The following PDE8B variants were observed in gnomAD, a reference collection of about 807,000 sequenced individuals.
PDE8B encodes the protein phosphodiesterase 8B, also known as high affinity cAMP-specific and IBMX-insensitive 3',5'-cyclic phosphodiesterase 8B.
PDE8B carries 26 observed loss-of-function variants against 101.3 expected under a neutral mutation model. The ratio of observed to expected loss-of-function variants is 0.26; its 90% CI spans 0.19 to 0.36. The LOEUF (loss-of-function observed/expected upper bound fraction) is 0.36, where lower values mean the gene tolerates loss of function less well. Among genes scored for constraint, PDE8B ranks in the 10% least tolerant of loss-of-function variants. The probability of loss-of-function intolerance (pLI) is 1.00; values close to 1 mark genes in which losing one functional copy is unlikely to be tolerated. For missense variants in PDE8B, 810 were observed against 1,163.1 expected, an observed-to-expected ratio of 0.70 and a Z score of 4.42; for synonymous variants, 424 against 429.3, an observed-to-expected ratio of 0.99 and a Z score of 0.15.
At position 77,211,396 on chromosome 5, in the gene PDE8B, GT is replaced by G; in HGVS notation, c.339+135del. The G allele has an allele frequency of 1.2e-6, 1 of 808,286 alleles. No individual in the cohort carries two copies. Among genetic ancestry groups the G allele is most frequent in the Non-Finnish European group, 1.9e-6 (1 of 537,274 alleles). 50.1% of individuals were successfully genotyped at this position (808,286 alleles called of 1,614,324 possible). A position where few individuals can be genotyped will look rare whatever the true frequency, so the allele number is the denominator to read the frequency against. The stretch of plus-strand genomic sequence containing the variant: ...TTGGAGAGGTTGTCACTAAGGAGGA[GT>G]TTACTTTTCATTTGTGGAGATGATG... On this transcript the variant is annotated intron_variant, in intron 1 of 21. Transcript: ENST00000264917. This position sits in a 1 kb window ranked among gnomAD's most constrained non-coding sequence, Gnocchi z 4.1.
At chr5:77,248,566 G>T (rs904851263) in intron 1 of PDE8B, among the ~76,000 whole-genome samples, 2 of 152,204 alleles carry the variant, frequency 1.3e-5, no homozygotes, top group East Asian at 1.9e-4. Flanking sequence ...GAAAAAGTCC[G>T]TGTGTACCTA....
chr5:77,199,139 T>A, the PDE8B span, among the ~76,000 whole-genome samples: 2 of 152,156 alleles, frequency 1.3e-5, no homozygotes, highest in Non-Finnish European at 1.5e-5. Context: ...TTCTTAAAAG[T>A]GAGAATTACT....
intron 10 of PDE8B, among the ~76,000 whole-genome samples, chr5:77,369,173 A>C (rs965380021): frequency 2.2e-5 from 3 of 138,172 alleles, no homozygotes; most frequent in African/African-American, 5.7e-5. Flanking sequence ...ACTGCACTCC[A>C]GCCTATGCGA....
intron 9 of PDE8B, among the ~76,000 whole-genome samples, chr5:77,352,270 C>T (rs1004353633): frequency 1.3e-5 from 2 of 152,160 alleles, no homozygotes; most frequent in African/African-American, 2.4e-5. Flanking sequence ...AGATGATGCC[C>T]GTGACTGTCA....
At chr5:77,195,925 G>A in the PDE8B span, among the ~76,000 whole-genome samples, 6 of 152,156 alleles carry the variant, frequency 3.9e-5, no homozygotes, top group Admixed American at 6.5e-5. Flanking sequence ...GAAAATCTGC[G>A]TGTAAGTGGA....
chr5:77,275,232 G>A (rs1302748207), intron 1 of PDE8B, among the ~76,000 whole-genome samples: 1 of 152,034 alleles, frequency 6.6e-6, no homozygotes, highest in Non-Finnish European at 1.5e-5. Flanking sequence ...TATATGTAAA[G>A]TCCTTCCCCT....
intron 1 of PDE8B, chr5:77,290,498 T>G (rs1259148458): frequency 2.7e-6 from 4 of 1,468,020 alleles, no homozygotes; most frequent in Non-Finnish European, 3.8e-6. Flanking sequence ...GGGCAGATAT[T>G]CCTGCTCCAA....
At chr5:77,322,135 A>G (rs530266247) in intron 2 of PDE8B, among the ~76,000 whole-genome samples, 1 of 152,160 alleles carries the variant, frequency 6.6e-6, no homozygotes, top group South Asian at 2.1e-4. Context: ...TGGTGGTTCT[A>G]GTTGTCTGGT....
At chr5:77,311,130 A>C (rs963965512) in intron 1 of PDE8B, among the ~76,000 whole-genome samples, 2 of 140,436 alleles carry the variant, frequency 1.4e-5, no homozygotes, top group African/African-American at 5.0e-5. Context: ...CAATAGTGAC[A>C]AATGACCACA....
At chr5:77,106,681 A>G in the PDE8B span, among the ~76,000 whole-genome samples, 1 of 152,136 alleles carries the variant, frequency 6.6e-6, no homozygotes, top group African/African-American at 2.4e-5. Flanking sequence ...CTGTGAGCCA[A>G]TTTGGGGAGA....
chr5:77,203,682 G>T, the PDE8B span, among the ~76,000 whole-genome samples: 1 of 152,134 alleles, frequency 6.6e-6, no homozygotes, highest in Admixed American at 6.5e-5. Context: ...CACTACCAGA[G>T]ACTTTGTTTG....
chr5:77,419,161 G>A (rs1796141855), intron 18 of PDE8B, among the ~76,000 whole-genome samples: 2 of 152,150 alleles, frequency 1.3e-5, no homozygotes, highest in African/African-American at 2.4e-5. Context: ...TTAAACTTTT[G>A]CAGAAAAAAT....
intron 6 of PDE8B, among the ~76,000 whole-genome samples, chr5:77,343,839 AC>A (rs34208297): frequency 0.2 from 29,921 of 150,886 alleles, 3,439 homozygotes; most frequent in Middle Eastern, 0.33. Context: ...TTTCTTTATA[AC>A]ATTATTCTGT....
chr5:77,291,319 G>A, intron 1 of PDE8B: 2 of 1,612,860 alleles, frequency 1.2e-6, no homozygotes, highest in Admixed American at 1.7e-5. Context: ...CAGGCAGTGA[G>A]CATGTTTCTT....
chr5:77,188,943 A>G, the PDE8B span, among the ~76,000 whole-genome samples: 5,974 of 152,248 alleles, frequency 0.039, 407 homozygotes, highest in African/African-American at 0.13. Context: ...CCACCACATT[A>G]TCTGCTCCTG....
intron 2 of PDE8B, among the ~76,000 whole-genome samples, chr5:77,321,142 A>ATCTTTTT (rs1774968166): frequency 1.3e-5 from 1 of 76,430 alleles, no homozygotes; most frequent in African/African-American, 5.0e-5. Flanking sequence ...CAGTATCTCT[A>ATCTTTTT]TTTTTTTTTT....
chr5:77,375,863 T>A (rs1202457490), intron 10 of PDE8B, among the ~76,000 whole-genome samples: 1 of 151,692 alleles, frequency 6.6e-6, no homozygotes, highest in Non-Finnish European at 1.5e-5. Context: ...TACAGGAGTG[T>A]TAATACTCAC....
At chr5:77,344,214 T>C (rs1779749535) in intron 6 of PDE8B, among the ~76,000 whole-genome samples, 1 of 152,262 alleles carries the variant, frequency 6.6e-6, no homozygotes, top group Admixed American at 6.5e-5. Context: ...TTATATACTG[T>C]ACATCATTAC....
At chr5:77,369,758 C>A (rs1784758085) in intron 10 of PDE8B, among the ~76,000 whole-genome samples, 1 of 152,206 alleles carries the variant, frequency 6.6e-6, no homozygotes, top group African/African-American at 2.4e-5. Context: ...CCCTGTGGTG[C>A]CTTTGAACAA....
Sources: allele counts gnomAD v4.1 joint callset (sites outside exome capture counted in the v4.1 genomes callset), GRCh38; gene constraint gnomAD v4.1.1; non-coding constraint Gnocchi (gnomAD v3.1); transcripts MANE v1.5; gene names NCBI Gene and HGNC (gene_info 2026-07-23, HGNC 2026-07-21).